Variants in RGS7BP observed in about 807,000 individuals in gnomAD.
The protein encoded by RGS7BP is regulator of G protein signaling 7-binding protein.
In RGS7BP, 9 loss-of-function variants were observed where a neutral mutation model predicts 31.3. The observed-to-expected ratio is 0.29, with a 90% CI of 0.17 to 0.50. RGS7BP has a LOEUF of 0.50. Ranked by LOEUF, RGS7BP falls within the 20% of genes least tolerant of loss-of-function variation. The probability of loss-of-function intolerance (pLI) is 0.98; values close to 1 mark genes in which losing one functional copy is unlikely to be tolerated. For missense variants in RGS7BP, 274 were observed against 322.0 expected, an observed-to-expected ratio of 0.85 and a Z score of 1.14; for synonymous variants, 115 against 120.1, an observed-to-expected ratio of 0.96 and a Z score of 0.28.
At chr5:64,601,654 T>C (rs879292976) in intron 5 of RGS7BP, among the ~76,000 whole-genome samples, 29 of 152,244 alleles carry the variant, frequency 1.9e-4, no homozygotes, top group Non-Finnish European at 3.5e-4. Context: ...CCCGCTGTTC[T>C]TTCCCCTGCT....
intron 3 of RGS7BP, among the ~76,000 whole-genome samples, chr5:64,591,970 C>A (rs1350863869): frequency 6.6e-6 from 1 of 152,078 alleles, no homozygotes; most frequent in African/African-American, 2.4e-5. Flanking sequence ...GAGTGTGGGG[C>A]TGGGAACAGC....
chr5:64,554,273 C>A (rs1237647766), intron 2 of RGS7BP, among the ~76,000 whole-genome samples: 1 of 152,172 alleles, frequency 6.6e-6, no homozygotes, highest in East Asian at 1.9e-4. Context: ...AGGAGGCCTG[C>A]ACTATACAAC....
intron 2 of RGS7BP, among the ~76,000 whole-genome samples, chr5:64,515,843 T>G (rs1165095260): frequency 6.6e-5 from 10 of 151,066 alleles, no homozygotes. Context: ...TAATTATTAT[T>G]ATTATTTATT....
At chr5:64,587,085 AG>A (rs1478252820) in intron 3 of RGS7BP, among the ~76,000 whole-genome samples, 3 of 152,006 alleles carry the variant, frequency 2.0e-5, no homozygotes, top group African/African-American at 7.3e-5. Context: ...TCAAATGGTC[AG>A]GGGGAAAACA....
intron 3 of RGS7BP, among the ~76,000 whole-genome samples, chr5:64,585,169 T>C (rs892447920): frequency 6.6e-6 from 1 of 152,122 alleles, no homozygotes; most frequent in Non-Finnish European, 1.5e-5. Context: ...GTTCAGTGCA[T>C]AGTGTCATAG....
intron 3 of RGS7BP, among the ~76,000 whole-genome samples, chr5:64,588,813 T>TAA (rs201540183): frequency 6.6e-6 from 1 of 151,838 alleles, no homozygotes; most frequent in African/African-American, 2.4e-5. Context: ...GGAGAGTACT[T>TAA]AAAAAAATGT....
chr5:64,530,467 T>C (rs1420788392), intron 2 of RGS7BP, among the ~76,000 whole-genome samples: 1 of 152,260 alleles, frequency 6.6e-6, no homozygotes, highest in African/African-American at 2.4e-5. Flanking sequence ...GTGATATTTT[T>C]ATTCTTGTGT....
chr5:64,595,078 C>T (rs1248345029), intron 4 of RGS7BP, among the ~76,000 whole-genome samples: 1 of 152,180 alleles, frequency 6.6e-6, no homozygotes, highest in Non-Finnish European at 1.5e-5. Flanking sequence ...CAGAGGAACA[C>T]TAGCAACACC....
At chr5:64,568,898 C>T (rs1345079807) in intron 2 of RGS7BP, among the ~76,000 whole-genome samples, 1 of 149,220 alleles carries the variant, frequency 6.7e-6, no homozygotes. Flanking sequence ...CTCTCCCAAC[C>T]GGGTCATGGG....
chr5:64,576,094 C>G (rs1330503042), intron 3 of RGS7BP, among the ~76,000 whole-genome samples, 190 bp downstream of exon 3: 2 of 152,154 alleles, frequency 1.3e-5, no homozygotes, highest in Non-Finnish European at 2.9e-5. Flanking sequence ...TGTACTAACA[C>G]TGATTGTTTT....
At chr5:64,507,383 A>G (rs1270776765) in intron 1 of RGS7BP, among the ~76,000 whole-genome samples, 1 of 152,178 alleles carries the variant, frequency 6.6e-6, no homozygotes, top group Non-Finnish European at 1.5e-5. Flanking sequence ...AGTCCCCAGC[A>G]TCATTCTCTG....
In RGS7BP at chr5:64,594,836, C is replaced by G. The variant is rs1743021107; in HGVS notation, c.590C>G (p.Thr197Arg). 1 of 1,613,646 alleles carries G rather than the reference C, an allele frequency of 6.2e-7. No homozygotes were observed. Among genetic ancestry groups the G allele is most frequent in the East Asian group, 2.2e-5 (1 of 44,846 alleles). Residue 197 changes from threonine to arginine, a missense_variant, in exon 4 of 6, where the codon ACA (threonine) becomes AGA (arginine). Physicochemically the swap from Thr to Arg is moderately conservative, Grantham distance 71. Around this residue, in one of 3 missense-constraint regions of RGS7BP, gnomAD observed 112 missense variants for 130.9 expected, o/e 0.86. Coordinates refer to ENST00000334025, the MANE Select transcript of RGS7BP (RefSeq NM_001029875.3). ...CAGCAACATTCCTGGCAGGTTTCCA[C>G]AGACATTGAGAACACTGAAAGGTAA... ...DSQQHSWQVS[T>R]DIENTERDMR...
chr5:64,589,768 A>C (rs1237152232), intron 3 of RGS7BP, among the ~76,000 whole-genome samples: 1 of 152,046 alleles, frequency 6.6e-6, no homozygotes, highest in Non-Finnish European at 1.5e-5. Context: ...TCTACAAAAA[A>C]TAAAAACAAA....
At chr5:64,553,755 T>A (rs1741853632) in intron 2 of RGS7BP, among the ~76,000 whole-genome samples, 3 of 152,180 alleles carry the variant, frequency 2.0e-5, no homozygotes, top group African/African-American at 4.8e-5. Context: ...TGTATCTATT[T>A]CTGGCAAGAC....
At chr5:64,518,950 C>A (rs1045303631) in intron 2 of RGS7BP, among the ~76,000 whole-genome samples, 7 of 152,134 alleles carry the variant, frequency 4.6e-5, no homozygotes, top group Non-Finnish European at 7.3e-5. Flanking sequence ...TCAGAAGCCT[C>A]ACACAGCAAC....
intron 2 of RGS7BP, among the ~76,000 whole-genome samples, chr5:64,557,068 A>G (rs1215346563): frequency 6.6e-6 from 1 of 152,190 alleles, no homozygotes; most frequent in East Asian, 1.9e-4. Flanking sequence ...GTCAACTTGG[A>G]AAATAAATGA....
At chr5:64,601,264 T>C (rs1398614918) in intron 5 of RGS7BP, 1 of 155,162 alleles carries the variant, frequency 6.4e-6, no homozygotes, top group Non-Finnish European at 1.4e-5. Context: ...ATTTTTCCTA[T>C]CTCAACTCCG....
intron 2 of RGS7BP, among the ~76,000 whole-genome samples, chr5:64,536,447 T>TA (rs1297658266): frequency 1.3e-5 from 2 of 152,270 alleles, no homozygotes; most frequent in East Asian, 1.9e-4. Context: ...GCGTTCACAA[T>TA]AAAAAATCCA....
intron 4 of RGS7BP, 23 bp downstream of exon 4, chr5:64,594,880 T>C: frequency 2.5e-6 from 4 of 1,611,078 alleles, no homozygotes; most frequent in Non-Finnish European, 3.4e-6. Context: ...TTACCCTGAA[T>C]AGACTGCCAA....
Sources: allele counts gnomAD v4.1 joint callset (sites outside exome capture counted in the v4.1 genomes callset), GRCh38; gene constraint gnomAD v4.1.1; regional missense constraint gnomAD v4.1.1; transcripts MANE v1.5; gene names NCBI Gene and HGNC (gene_info 2026-07-23, HGNC 2026-07-21).